CNOT4: variants seen among roughly 807,000 people sequenced by gnomAD.
The protein encoded by CNOT4 is CCR4-associated factor 4.
Under a neutral mutation model 73.8 loss-of-function variants are expected in CNOT4, and 8 were observed. The observed-to-expected ratio is 0.11, with a 90% CI of 0.06 to 0.20. The LOEUF is 0.20. Among genes scored for constraint, CNOT4 ranks in the 10% least tolerant of loss-of-function variants. The pLI is 1.00. For synonymous variants in CNOT4, 293 were observed against 321.1 expected (o/e 0.91, Z 0.94); for missense variants, 564 against 883.4 (o/e 0.64, Z 4.58).
At chr7:135,423,511 G>A (rs985698233) in intron 2 of CNOT4, among the ~76,000 whole-genome samples, 6 of 150,978 alleles carry the variant, frequency 4.0e-5, no homozygotes, top group Admixed American at 4.0e-4. Context: ...AACATACCCA[G>A]AGTAACGCTG....
rs147991039 is a variant in CNOT4 at position 135,483,653 on chromosome 7, G to A, written c.-93+26236C>T. Among the ~76,000 whole-genome samples the A allele has an allele frequency of 4.5e-3, 684 of 152,012 alleles. 10 individuals are homozygous for A. Among genetic ancestry groups the A allele is most frequent in the African/African-American group, 0.016 (657 of 41,478 alleles). On this transcript the variant is annotated intron_variant, in intron 1 of 11. Coordinates refer to ENST00000541284, the MANE Select transcript of CNOT4 (RefSeq NM_001190850.2). ...AGCCTGCAAAACATGAGGAAACCCC[G>A]TCTCTACAAAAAATACAAAAATTAG...
chr7:135,468,035 G>A (rs7783976), intron 1 of CNOT4, among the ~76,000 whole-genome samples: 11,240 of 151,946 alleles, frequency 0.074, 496 homozygotes, highest in Middle Eastern at 0.13. Flanking sequence ...CTAACACGGT[G>A]AAACCCCATC....
chr7:135,453,728 TTA>T (rs959887575), intron 1 of CNOT4, among the ~76,000 whole-genome samples: 13 of 146,264 alleles, frequency 8.9e-5, no homozygotes, highest in African/African-American at 3.0e-4. Flanking sequence ...TGGAATTGTT[TTA>T]TATATATATG....
chr7:135,395,437 CTTT>C (rs1796625003), intron 9 of CNOT4, among the ~76,000 whole-genome samples, 194 bp downstream of exon 9: 1 of 152,126 alleles, frequency 6.6e-6, no homozygotes, highest in African/African-American at 2.4e-5. Flanking sequence ...CTGGAGAAAT[CTTT>C]TAACACAGTA....
chr7:135,496,770 G>A (rs924170077), intron 1 of CNOT4, among the ~76,000 whole-genome samples: 5 of 151,686 alleles, frequency 3.3e-5, no homozygotes, highest in African/African-American at 9.7e-5. Context: ...CCCCTGAAAC[G>A]TAGGAACCCC....
chr7:135,397,396 T>C (rs1032440704), intron 8 of CNOT4, among the ~76,000 whole-genome samples: 1 of 152,192 alleles, frequency 6.6e-6, no homozygotes, highest in Non-Finnish European at 1.5e-5. Context: ...AAAATGTTAA[T>C]GGGCAACTAA....
chr7:135,505,421 G>A (rs1392173351), intron 1 of CNOT4, among the ~76,000 whole-genome samples: 2 of 152,030 alleles, frequency 1.3e-5, no homozygotes, highest in Admixed American at 6.6e-5. Context: ...GTGTGGTGGC[G>A]GACATCTGTA....
In CNOT4 at chr7:135,435,025, C is replaced by T. The variant is rs76923973; in HGVS notation, c.174+3133G>A. On this transcript the variant is annotated intron_variant, in intron 2 of 11. Coordinates refer to ENST00000541284, the MANE Select transcript of CNOT4 (RefSeq NM_001190850.2). ...CTCTCCTTTCAAAGTTACGTTCCCT[C>T]AAAATTTGGGAAAATAAATTTCTCA... Among the ~76,000 whole-genome samples the T allele has an allele frequency of 2.2e-3, 339 of 152,218 alleles. 12 individuals carry two copies. In the East Asian group the frequency reaches 0.054, roughly 24 times the overall value.
chr7:135,505,936 T>A (rs1804342049), intron 1 of CNOT4, among the ~76,000 whole-genome samples: 1 of 152,180 alleles, frequency 6.6e-6, no homozygotes, highest in Non-Finnish European at 1.5e-5. Flanking sequence ...AAAACAATTG[T>A]GAAGTTCTTT....
intron 6 of CNOT4, among the ~76,000 whole-genome samples, chr7:135,411,851 G>C (rs1490414289): frequency 6.6e-6 from 1 of 151,870 alleles, no homozygotes; most frequent in African/African-American, 2.4e-5. Context: ...CCACTTGCTT[G>C]TTTCTATTGG....
chr7:135,403,602 A>C (rs1294021829), intron 7 of CNOT4, among the ~76,000 whole-genome samples: 2 of 152,168 alleles, frequency 1.3e-5, no homozygotes, highest in Non-Finnish European at 2.9e-5. Context: ...GAATAAATTA[A>C]AAAATAAAAA....
At chr7:135,451,665 G>GA in intron 1 of CNOT4, among the ~76,000 whole-genome samples, 1 of 152,244 alleles carries the variant, frequency 6.6e-6, no homozygotes, top group South Asian at 2.1e-4. Context: ...CCCTTAGGGG[G>GA]AAAAATGACA....
At position 135,422,178 on chromosome 7, in the gene CNOT4, G is replaced by A; in HGVS notation, c.350C>T (p.Ser117Phe). ...QKNLVFVVGLSQRLADPEVLK... is the reference protein window; with the variant it reads ...QKNLVFVVGLFQRLADPEVLK... Reference sequence around the variant, plus strand: ...TACCTCTGGGTCTGCTAGGCGCTGAGATAAACCTACAACAAAGACGAGGTT... The same window carrying A: ...TACCTCTGGGTCTGCTAGGCGCTGAAATAAACCTACAACAAAGACGAGGTT... The change falls in exon 3 of 12, where the codon TCT (serine) becomes TTT (phenylalanine). Residue 117 changes from serine (S) to phenylalanine (F), a missense_variant. By Grantham distance (155) the Ser-to-Phe change is radical. Transcript: ENST00000541284. 6.2e-7 allele frequency: 1 copy of A among 1,610,254 alleles called. No homozygotes were observed. The highest frequency in any genetic ancestry group is 8.5e-7 in the Non-Finnish European group (1 of 1,176,548).
chr7:135,442,721 T>C (rs1433603395), intron 1 of CNOT4, among the ~76,000 whole-genome samples: 1 of 152,082 alleles, frequency 6.6e-6, no homozygotes, highest in Non-Finnish European at 1.5e-5. Flanking sequence ...ATTTCCTGAG[T>C]GGGGTGCAGG....
intron 9 of CNOT4, among the ~76,000 whole-genome samples, 195 bp from the exon 10 acceptor site, chr7:135,394,610 A>G (rs1427853054): frequency 6.6e-6 from 1 of 152,210 alleles, no homozygotes; most frequent in Non-Finnish European, 1.5e-5. Context: ...TTAACTCTTA[A>G]GCTACTAGCT....
At chr7:135,467,759 A>C (rs1212452872) in intron 1 of CNOT4, among the ~76,000 whole-genome samples, 1 of 152,084 alleles carries the variant, frequency 6.6e-6, no homozygotes, top group Non-Finnish European at 1.5e-5. Context: ...GGAAAATATG[A>C]ATATCTGAGG....
chr7:135,478,187 A>G (rs73158951), intron 1 of CNOT4, among the ~76,000 whole-genome samples: 13,088 of 152,164 alleles, frequency 0.086, 675 homozygotes, highest in East Asian at 0.16. Context: ...TCCAGTTGTT[A>G]GGTAATTTTA....
At chr7:135,495,690 A>AAAAGAAAGAAAG (rs796412528) in intron 1 of CNOT4, among the ~76,000 whole-genome samples, 36 of 38,652 alleles carry the variant, frequency 9.3e-4, no homozygotes, top group Middle Eastern at 0.016. Flanking sequence ...AAAAAAAAAA[A>AAAAGAAAGAAAG]AAAGAAAGAA....
intron 1 of CNOT4, among the ~76,000 whole-genome samples, chr7:135,502,159 G>A (rs1024210823): frequency 1.1e-4 from 16 of 152,236 alleles, no homozygotes; most frequent in Non-Finnish European, 2.2e-4. Flanking sequence ...CATTTCTGTC[G>A]ATTATAATTA....
Sources: gnomAD v4.1 joint callset for allele counts (sites outside exome capture counted in the v4.1 genomes callset) on GRCh38, gnomAD v4.1.1 for gene constraint, MANE v1.5 for transcripts, NCBI Gene and HGNC (gene_info 2026-07-23, HGNC 2026-07-21) for gene names.